Variants in PCDH9 observed in about 807,000 individuals in gnomAD.
PCDH9 encodes protocadherin-9.
Under a neutral mutation model 70.6 loss-of-function variants are expected in PCDH9, and 24 were observed. That is an observed-to-expected ratio of 0.34 (90% CI 0.25 to 0.48). The LOEUF (loss-of-function observed/expected upper bound fraction) is 0.48, where lower values mean the gene tolerates loss of function less well. Ranked by LOEUF, PCDH9 falls within the 20% of genes least tolerant of loss-of-function variation. The pLI is 0.99. For synonymous variants in PCDH9, 562 were observed against 558.5 expected (o/e 1.01, Z -0.09); for missense variants, 1,281 against 1,503.6 (o/e 0.85, Z 2.45).
chr13:66,774,392 T>C (rs1488770862), intron 3 of PCDH9, among the ~76,000 whole-genome samples: 1 of 151,656 alleles, frequency 6.6e-6, no homozygotes, highest in Non-Finnish European at 1.5e-5. Flanking sequence ...TGGTTTACCA[T>C]CATGCAGAAG....
intron 3 of PCDH9, among the ~76,000 whole-genome samples, chr13:66,880,482 G>C (rs1276517566): frequency 4.6e-5 from 7 of 152,072 alleles, no homozygotes; most frequent in Non-Finnish European, 1.0e-4. Context: ...AAACTTTGTT[G>C]GTTTACAGAA....
chr13:66,693,407 GAAAAT>G (rs1000542832), intron 3 of PCDH9, among the ~76,000 whole-genome samples: 1 of 151,944 alleles, frequency 6.6e-6, no homozygotes, highest in Non-Finnish European at 1.5e-5. Flanking sequence ...GACAAAAATA[GAAAAT>G]AAAAGTGTAT....
chr13:66,754,556 A>G (rs1271124885), intron 3 of PCDH9, among the ~76,000 whole-genome samples: 1 of 152,160 alleles, frequency 6.6e-6, no homozygotes, highest in Non-Finnish European at 1.5e-5. Context: ...AGAGATTAAG[A>G]AAATACATCA....
At chr13:66,743,457 C>T (rs974152033) in intron 3 of PCDH9, among the ~76,000 whole-genome samples, 1 of 146,836 alleles carries the variant, frequency 6.8e-6, no homozygotes, top group Non-Finnish European at 1.5e-5. Context: ...AACTAACCTG[C>T]ACAATGTGCA....
chr13:66,388,437 AT>A (rs1956966701), intron 4 of PCDH9, among the ~76,000 whole-genome samples: 1 of 152,142 alleles, frequency 6.6e-6, no homozygotes, highest in South Asian at 2.1e-4. Context: ...TTTTACCAAG[AT>A]TTTTTTCCTT....
At chr13:66,634,016 C>T (rs1330580468) in intron 3 of PCDH9, among the ~76,000 whole-genome samples, 1 of 152,092 alleles carries the variant, frequency 6.6e-6, no homozygotes, top group East Asian at 1.9e-4. Context: ...TCAAATATAG[C>T]TTATTAGAGT....
At chr13:66,603,540 C>T (rs188314442) in intron 4 of PCDH9, among the ~76,000 whole-genome samples, 1 of 151,986 alleles carries the variant, frequency 6.6e-6, no homozygotes, top group Non-Finnish European at 1.5e-5. Context: ...ACTGAGTAGG[C>T]ACTTACAAGT....
At chr13:67,201,506 G>A (rs2089211276) in intron 2 of PCDH9, 1 of 151,806 alleles carries the variant, frequency 6.6e-6, no homozygotes, top group Non-Finnish European at 1.5e-5. Context: ...ATTTATCACA[G>A]GGAGGAAAGA....
intron 2 of PCDH9, among the ~76,000 whole-genome samples, chr13:67,125,886 T>C (rs983554312): frequency 2.6e-5 from 4 of 152,028 alleles, no homozygotes; most frequent in African/African-American, 9.7e-5. Flanking sequence ...TGTGTATATA[T>C]ATGTGTGTGT....
At chr13:67,224,150 A>G (rs148191794) in intron 2 of PCDH9, 1 of 152,348 alleles carries the variant, frequency 6.6e-6, no homozygotes, top group East Asian at 1.9e-4. Context: ...TCTAAAATCT[A>G]TGTGTTCCTT....
chr13:66,998,697 C>T (rs973378186), intron 2 of PCDH9, among the ~76,000 whole-genome samples: 1 of 152,160 alleles, frequency 6.6e-6, no homozygotes, highest in East Asian at 1.9e-4. Flanking sequence ...ACATTCCTGC[C>T]AGTTGTCTCT....
intron 3 of PCDH9, among the ~76,000 whole-genome samples, chr13:66,865,347 T>C (rs1566250583): frequency 6.6e-6 from 1 of 152,224 alleles, no homozygotes; most frequent in Non-Finnish European, 1.5e-5. Flanking sequence ...CAGGATGTTG[T>C]ATTTCATTAT....
At chr13:66,929,927 C>A (rs915781049) in intron 2 of PCDH9, among the ~76,000 whole-genome samples, 1 of 152,132 alleles carries the variant, frequency 6.6e-6, no homozygotes, top group African/African-American at 2.4e-5. Context: ...GATGTATAAT[C>A]TAGTCCTAGT....
At chr13:66,908,493 A>T (rs998415181) in intron 2 of PCDH9, among the ~76,000 whole-genome samples, 1 of 152,184 alleles carries the variant, frequency 6.6e-6, no homozygotes, top group African/African-American at 2.4e-5. Flanking sequence ...ATTTTCTCAG[A>T]CACAGGAACA....
chr13:67,074,384 T>C (rs1167734957), intron 2 of PCDH9, among the ~76,000 whole-genome samples: 1 of 152,154 alleles, frequency 6.6e-6, no homozygotes, highest in African/African-American at 2.4e-5. Flanking sequence ...TGTCAGCATG[T>C]TGATCTTGGA....
At chr13:66,497,067 A>G (rs879472574) in intron 4 of PCDH9, among the ~76,000 whole-genome samples, 2 of 151,400 alleles carry the variant, frequency 1.3e-5, no homozygotes, top group African/African-American at 2.4e-5. Context: ...GTTTCTGCTT[A>G]CTTTTTCAGT....
chr13:67,009,737 T>G (rs552574055), intron 2 of PCDH9, among the ~76,000 whole-genome samples: 3 of 152,198 alleles, frequency 2.0e-5, no homozygotes, highest in East Asian at 3.9e-4. Flanking sequence ...GATGGTTAAC[T>G]GCCTTGCATT....
chr13:67,080,484 C>A (rs142536966), intron 2 of PCDH9, among the ~76,000 whole-genome samples: 1 of 152,134 alleles, frequency 6.6e-6, no homozygotes, highest in African/African-American at 2.4e-5. Context: ...ATACATTCTA[C>A]AATAGCAACA....
At chr13:67,139,896 C>T (rs565897381) in intron 2 of PCDH9, among the ~76,000 whole-genome samples, 50 of 152,056 alleles carry the variant, frequency 3.3e-4, no homozygotes, top group Non-Finnish European at 5.0e-4. Flanking sequence ...TTTTCAAGTA[C>T]GCTTTTTTTG....
Sources: gnomAD v4.1 joint callset for allele counts (sites outside exome capture counted in the v4.1 genomes callset) on GRCh38, gnomAD v4.1.1 for gene constraint, MANE v1.5 for transcripts, NCBI Gene and HGNC (gene_info 2026-07-23, HGNC 2026-07-21) for gene names.